Variants in DNAJC6 observed in about 807,000 individuals in gnomAD.
DNAJC6 encodes auxilin.
A neutral mutation model predicts 110.0 loss-of-function variants in DNAJC6; 34 were observed. The ratio of observed to expected loss-of-function variants is 0.31; its 90% CI spans 0.24 to 0.41. DNAJC6 has a LOEUF of 0.41. Among genes scored for constraint, DNAJC6 ranks in the 10% least tolerant of loss-of-function variants. The pLI is 1.00. For synonymous variants in DNAJC6, 406 were observed against 437.2 expected (o/e 0.93, Z 0.89); for missense variants, 1,031 against 1,207.8 (o/e 0.85, Z 2.17).
intron 1 of DNAJC6, among the ~76,000 whole-genome samples, chr1:65,337,894 A>C (rs1206787491): frequency 1.3e-5 from 2 of 152,192 alleles, no homozygotes; most frequent in African/African-American, 4.8e-5. Flanking sequence ...TAATGACTAA[A>C]TGGACCATCT....
At chr1:65,384,669 A>G (rs1392422125) in intron 6 of DNAJC6, among the ~76,000 whole-genome samples, 3 of 152,170 alleles carry the variant, frequency 2.0e-5, no homozygotes, top group South Asian at 2.1e-4. Flanking sequence ...CACTATCATG[A>G]GAACAGCATG....
At chr1:65,365,791 G>A (rs1413448348) in intron 2 of DNAJC6, 94 bp from the exon 3 acceptor site, 17 of 1,355,484 alleles carry the variant, frequency 1.3e-5, no homozygotes, top group South Asian at 2.6e-5. Context: ...CCTGGACAGC[G>A]GTGTCCCAGT....
At chr1:65,313,433 C>T (rs1557516322) in intron 1 of DNAJC6, among the ~76,000 whole-genome samples, 2 of 152,102 alleles carry the variant, frequency 1.3e-5, no homozygotes, top group East Asian at 1.9e-4. Context: ...AGGCTGAAAA[C>T]AATATAAAAA....
chr1:65,290,241 T>A (rs763410939), intron 1 of DNAJC6, among the ~76,000 whole-genome samples: 1 of 152,220 alleles, frequency 6.6e-6, no homozygotes, highest in Non-Finnish European at 1.5e-5. Context: ...GATTTGTAGA[T>A]TTTCTTAGAG....
intron 4 of DNAJC6, among the ~76,000 whole-genome samples, chr1:65,376,701 GT>G (rs201542378): frequency 0.014 from 2,119 of 151,716 alleles, 66 homozygotes; most frequent in Admixed American, 0.081. Flanking sequence ...TTATTTAGTT[GT>G]AAAGTTTTAT....
chr1:65,388,149 T>A (rs1645890229), intron 8 of DNAJC6, among the ~76,000 whole-genome samples, 187 bp from the exon 9 acceptor site: 1 of 152,110 alleles, frequency 6.6e-6, no homozygotes, highest in Non-Finnish European at 1.5e-5. Context: ...AAGGCAGAGT[T>A]CAAGTAGAGG....
intron 4 of DNAJC6, among the ~76,000 whole-genome samples, chr1:65,377,968 A>G (rs1346303416): frequency 2.0e-5 from 3 of 152,128 alleles, no homozygotes; most frequent in African/African-American, 7.2e-5. Flanking sequence ...CAAGCTGGAA[A>G]CTTGGAGTTC....
intron 1 of DNAJC6, among the ~76,000 whole-genome samples, chr1:65,266,203 C>T (rs1653324650): frequency 6.6e-6 from 1 of 152,144 alleles, no homozygotes; most frequent in South Asian, 2.1e-4. Context: ...AGTCAGCCAC[C>T]GTCTCTGGCT....
At chr1:65,384,073 G>T in intron 5 of DNAJC6, 120 bp from the exon 6 acceptor site, 2 of 1,226,706 alleles carry the variant, frequency 1.6e-6, no homozygotes, top group Non-Finnish European at 1.1e-6. Flanking sequence ...TAAATGAAAA[G>T]CACCCACAGT....
rs77936172 is a variant in DNAJC6, at chr1:65,407,747, A to G, written c.2492-894A>G. On this transcript the variant is annotated intron_variant, in intron 16 of 18. Transcript: ENST00000371069. The stretch of plus-strand genomic sequence containing the variant: ...GTGTAGAAAACATTGAGGATGCAGC[A>G]GGGAACAAGAAACAAAATCCCTAGT... 5.8e-4 allele frequency among the ~76,000 whole-genome samples: 89 copies of G among 152,340 alleles called. 1 individual carries two copies. In the East Asian group the frequency reaches 0.016, roughly 27 times the overall value.
chr1:65,302,115 TATATATATAAA>T lies in DNAJC6; in HGVS notation c.-131+37185_-131+37195del, dbSNP rs1557507964. Among the ~76,000 whole-genome samples the T allele has an allele frequency of 2.0e-3, 91 of 46,126 alleles. 2 individuals are homozygous for T. The East Asian group carries it at 0.073, about 37-fold the overall frequency. 30.3% of individuals were successfully genotyped at this position (46,126 alleles called of 152,430 possible). A position where few individuals can be genotyped will look rare whatever the true frequency, so the allele number is the denominator to read the frequency against. On this transcript the variant is annotated intron_variant, in intron 1 of 19. Transcript: ENST00000263441. ...TTATATATATAATATATAATATATATATATATATAAAAAATATATATAATACGTATTATATA... is the reference window on the plus strand; with the variant it reads ...TTATATATATAATATATAATATATATAAATATATATAATACGTATTATATA...
At chr1:65,352,238 T>A (rs1439362718) in intron 1 of DNAJC6, among the ~76,000 whole-genome samples, 1 of 152,202 alleles carries the variant, frequency 6.6e-6, no homozygotes, top group African/African-American at 2.4e-5. Context: ...ATTAAAGTGT[T>A]ATGAGTCTGG....
intron 1 of DNAJC6, chr1:65,264,970 C>A (rs969983631): frequency 3.1e-6 from 5 of 1,594,786 alleles, no homozygotes; most frequent in Non-Finnish European, 4.3e-6. Flanking sequence ...TAAGAGAGGG[C>A]TAAAGGCTAA....
intron 1 of DNAJC6, among the ~76,000 whole-genome samples, chr1:65,326,752 A>G (rs1420329676): frequency 6.6e-6 from 1 of 152,160 alleles, no homozygotes; most frequent in Non-Finnish European, 1.5e-5. Flanking sequence ...CTCTGTGTAC[A>G]TGGCTTCCTC....
intron 1 of DNAJC6, among the ~76,000 whole-genome samples, chr1:65,345,403 A>G (rs780746282): frequency 4.6e-5 from 7 of 152,162 alleles, no homozygotes; most frequent in East Asian, 1.9e-4. Flanking sequence ...CATCGTATAC[A>G]TGGGAGGAGG....
intron 1 of DNAJC6, among the ~76,000 whole-genome samples, chr1:65,310,248 A>T (rs1446827443): frequency 1.4e-5 from 1 of 72,244 alleles, no homozygotes; most frequent in African/African-American, 5.6e-5. Flanking sequence ...TGGAGAAGAG[A>T]GGGGAGCGGG....
intron 1 of DNAJC6, among the ~76,000 whole-genome samples, chr1:65,363,806 C>G (rs556876785): frequency 1.0e-3 from 158 of 152,196 alleles, no homozygotes; most frequent in Middle Eastern, 6.8e-3. Flanking sequence ...AAGCCCTGGA[C>G]TGGAGCTAAG....
At chr1:65,339,444 G>A (rs1420384146) in intron 1 of DNAJC6, among the ~76,000 whole-genome samples, 2 of 152,170 alleles carry the variant, frequency 1.3e-5, no homozygotes, top group Non-Finnish European at 2.9e-5. Flanking sequence ...CTACATCTAC[G>A]AATGCAAGAT....
At chr1:65,362,258 T>A (rs192728975) in intron 1 of DNAJC6, among the ~76,000 whole-genome samples, 1 of 152,166 alleles carries the variant, frequency 6.6e-6, no homozygotes, top group Non-Finnish European at 1.5e-5. Flanking sequence ...ATCTATTTCA[T>A]TGGGATGCTA....
Sources: gnomAD v4.1 joint callset for allele counts (sites outside exome capture counted in the v4.1 genomes callset) on GRCh38, gnomAD v4.1.1 for gene constraint, MANE v1.5 for transcripts, NCBI Gene and HGNC (gene_info 2026-07-23, HGNC 2026-07-21) for gene names.